NF1: variants seen among roughly 807,000 people sequenced by gnomAD.
NF1 encodes the protein neurofibromin 1, also known as neurofibromin.
In NF1, 122 loss-of-function variants were observed where a neutral mutation model predicts 325.7. That is an observed-to-expected ratio of 0.37 (90% confidence interval 0.32 to 0.44). NF1 has a LOEUF of 0.44. Ranked by LOEUF, NF1 falls within the 20% of genes least tolerant of loss-of-function variation. The probability of loss-of-function intolerance (pLI) is 1.00; values close to 1 mark genes in which losing one functional copy is unlikely to be tolerated. For missense variants in NF1, 2,140 were observed against 3,415.4 expected (o/e 0.63, Z 9.31); for synonymous variants, 1,091 against 1,186.0 (o/e 0.92, Z 1.65).
intron 36 of NF1, chr17:31,295,126 T>A: frequency 6.2e-7 from 1 of 1,614,126 alleles, no homozygotes; most frequent in Non-Finnish European, 8.5e-7. Flanking sequence ...CTTCCCTCCA[T>A]AAGTTAAGGG....
chr17:31,154,032 A>G (rs1567813385), intron 1 of NF1, among the ~76,000 whole-genome samples: 1 of 145,722 alleles, frequency 6.9e-6, no homozygotes, highest in Non-Finnish European at 1.5e-5. Context: ...TGTTTTTACT[A>G]GAGAAGTTCT....
intron 8 of NF1, among the ~76,000 whole-genome samples, chr17:31,185,767 C>T (rs1444016728): frequency 6.6e-6 from 1 of 152,178 alleles, no homozygotes. Flanking sequence ...CAGGTCCAGG[C>T]TGCTGTGCAA....
At chr17:31,118,606 C>A (rs1275881804) in intron 1 of NF1, among the ~76,000 whole-genome samples, 1 of 152,134 alleles carries the variant, frequency 6.6e-6, no homozygotes, top group Non-Finnish European at 1.5e-5. Context: ...CATGTCCCTG[C>A]AAAGGACATG....
chr17:31,366,525 C>T lies in NF1; in HGVS notation c.8377+5822C>T, dbSNP rs113699677. Among the ~76,000 whole-genome samples the T allele has an allele frequency of 8.4e-3, 1,285 of 152,298 alleles. 27 individuals are homozygous for T. Among genetic ancestry groups the T allele is most frequent in the African/African-American group, 0.03 (1,226 of 41,554 alleles). On this transcript the variant is annotated intron_variant, in intron 57 of 57. Transcript: ENST00000358273. ...TAGCTCTGTGTACGGAGGGATATTT[C>T]ATCTAAACCATTGCTCTAAACTTAG...
chr17:31,341,594 A>AGTGTGTGTGTGT (rs760580157), intron 47 of NF1, among the ~76,000 whole-genome samples: 2 of 145,042 alleles, frequency 1.4e-5, no homozygotes, highest in South Asian at 2.2e-4. Context: ...ATATATATAA[A>AGTGTGTGTGTGT]GTGTGTGTGT....
At chr17:31,307,574 A>G (rs2068757932) in intron 36 of NF1, among the ~76,000 whole-genome samples, 1 of 152,176 alleles carries the variant, frequency 6.6e-6, no homozygotes, top group African/African-American at 2.4e-5. Context: ...TTTCAGTTCT[A>G]CTTCTCCCAT....
rs956778921 is a variant in NF1 at position 31,160,780 on chromosome 17, A to G, written c.288+1687A>G. Among the ~76,000 whole-genome samples the G allele has an allele frequency of 4.6e-5, 7 of 152,144 alleles. No homozygotes were observed. The South Asian group carries it at 1.2e-3, about 27-fold the overall frequency. On this transcript the variant is annotated intron_variant, in intron 3 of 57. Coordinates refer to ENST00000358273, the MANE Select transcript of NF1 (RefSeq NM_001042492.3). ...GTAATTGAGAGGTAATAATGAATGTATTTTGGAGAATGATTACCGATATTA... is the reference window on the plus strand; with the variant it reads ...GTAATTGAGAGGTAATAATGAATGTGTTTTGGAGAATGATTACCGATATTA...
intron 36 of NF1, among the ~76,000 whole-genome samples, chr17:31,299,162 A>G (rs2068524020): frequency 6.6e-6 from 1 of 152,118 alleles, no homozygotes; most frequent in South Asian, 2.1e-4. Flanking sequence ...GATCATTTCA[A>G]TATATTTGAA....
intron 5 of NF1, among the ~76,000 whole-genome samples, chr17:31,172,475 C>T (rs920359698): frequency 1.3e-5 from 2 of 151,430 alleles, no homozygotes; most frequent in African/African-American, 2.4e-5. Flanking sequence ...ATAGATATAT[C>T]GAGAGAGAGA....
chr17:31,181,118 C>A (rs17880488), intron 5 of NF1, among the ~76,000 whole-genome samples: 4 of 152,270 alleles, frequency 2.6e-5, no homozygotes, highest in Non-Finnish European at 5.9e-5. Context: ...GAAAACAATT[C>A]CATGCTCATG....
intron 1 of NF1, 49 bp downstream of exon 1, chr17:31,095,418 ACAGAGTAGGTGAGGGGAGGTAG>A: frequency 6.6e-7 from 1 of 1,518,082 alleles, no homozygotes; most frequent in South Asian, 1.2e-5. Flanking sequence ...GGGGGTGGGG[ACAGAGTAGGTGAGGGGAGGTAG>A]GAGCGGCCGC....
chr17:31,220,809 G>A (rs2066908479), intron 14 of NF1, among the ~76,000 whole-genome samples: 1 of 151,964 alleles, frequency 6.6e-6, no homozygotes, highest in Non-Finnish European at 1.5e-5. Flanking sequence ...AAAATATAGA[G>A]AATTTGTCAC....
intron 1 of NF1, among the ~76,000 whole-genome samples, chr17:31,116,867 CAG>C (rs968074416): frequency 6.7e-6 from 1 of 149,070 alleles, no homozygotes; most frequent in Non-Finnish European, 1.5e-5. Context: ...TTAGTAGAGA[CAG>C]GGTTTCGCTG....
chr17:31,319,144 T>A, intron 36 of NF1: 1 of 1,008,236 alleles, frequency 9.9e-7, no homozygotes. Flanking sequence ...ATGCCTAATA[T>A]TCGCTACCCT....
intron 36 of NF1, among the ~76,000 whole-genome samples, chr17:31,313,133 T>C (rs1291747854): frequency 6.6e-6 from 1 of 152,144 alleles, no homozygotes; most frequent in Non-Finnish European, 1.5e-5. Context: ...GCATGTATAA[T>C]AATAATAGTC....
chr17:31,337,990 G>T (rs1278288930), intron 44 of NF1, 35 bp from the exon 45 acceptor site: 2 of 1,565,868 alleles, frequency 1.3e-6, no homozygotes, highest in Non-Finnish European at 1.8e-6. Flanking sequence ...TAAACACAAA[G>T]GTTTTTATAA....
intron 8 of NF1, among the ~76,000 whole-genome samples, chr17:31,184,796 G>A (rs1295644510): frequency 1.3e-5 from 2 of 152,088 alleles, no homozygotes; most frequent in Admixed American, 1.3e-4. Context: ...TAGAAAAAGA[G>A]CTGAAATTGT....
In NF1 at chr17:31,229,355, C is replaced by T. The variant is rs765848298; in HGVS notation, c.2740C>T (p.Arg914Trp). The change falls in exon 21 of 58, where the codon CGG becomes TGG. Residue 914 changes from arginine (R) to tryptophan (W), a missense_variant. This residue lies in a region of NF1 where 380 missense variants were observed against 639.3 expected (regional missense o/e 0.59). Transcript: ENST00000358273. ...CNHEKVGLQI[R>W]TNVKDLVGLE... ...CCATGAGAAAGTGGGACTTCAAATA[C>T]GGACCAATGTTAAGGATCTGGTGGG... is the stretch of plus-strand genomic sequence containing the variant. 4.3e-6 allele frequency: 7 copies of T among 1,613,726 alleles called. No homozygotes were observed. The highest frequency in any genetic ancestry group is 1.6e-4 in the Middle Eastern group (1 of 6,076).
chr17:31,275,732 C>T (rs2067995051), intron 36 of NF1, among the ~76,000 whole-genome samples: 1 of 152,126 alleles, frequency 6.6e-6, no homozygotes, highest in Admixed American at 6.5e-5. Context: ...ACGATCCTTC[C>T]CTAATTCTTC....
Sources: gnomAD v4.1 joint callset for allele counts (sites outside exome capture counted in the v4.1 genomes callset) on GRCh38, gnomAD v4.1.1 for gene constraint, gnomAD v4.1.1 regional missense constraint, MANE v1.5 for transcripts, NCBI Gene and HGNC (gene_info 2026-07-23, HGNC 2026-07-21) for gene names.